The following FAT3 variants were observed in gnomAD, a reference collection of about 807,000 sequenced individuals.
FAT3 encodes the protein FAT atypical cadherin 3.
Under a neutral mutation model 310.2 loss-of-function variants are expected in FAT3, and 95 were observed. The observed-to-expected ratio is 0.31, with a 90% CI of 0.26 to 0.36. The LOEUF (loss-of-function observed/expected upper bound fraction) is 0.36, where lower values mean the gene tolerates loss of function less well. Ranked by LOEUF, FAT3 falls within the 10% of genes least tolerant of loss-of-function variation. The pLI is 1.00. For synonymous variants in FAT3, 2,314 were observed against 2,192.9 expected, an observed-to-expected ratio of 1.06 and a Z score of -1.54; for missense variants, 5,408 against 5,715.6, an observed-to-expected ratio of 0.95 and a Z score of 1.74.
chr11:92,338,662 G>A (rs1948156277), intron 1 of FAT3, among the ~76,000 whole-genome samples: 1 of 152,138 alleles, frequency 6.6e-6, no homozygotes, highest in African/African-American at 2.4e-5. Flanking sequence ...GTCTTCTGGG[G>A]TCTTGATTTT....
chr11:92,575,056 A>G (rs1938401639), intron 3 of FAT3, among the ~76,000 whole-genome samples: 1 of 152,142 alleles, frequency 6.6e-6, no homozygotes, highest in Non-Finnish European at 1.5e-5. Flanking sequence ...CTGACTTTTT[A>G]AATATGACTG....
At chr11:92,362,964 T>G (rs1948919655) in intron 2 of FAT3, among the ~76,000 whole-genome samples, 1 of 152,144 alleles carries the variant, frequency 6.6e-6, no homozygotes, top group South Asian at 2.1e-4. Flanking sequence ...CCCATCTAAC[T>G]TATGCTCTCC....
intron 2 of FAT3, among the ~76,000 whole-genome samples, chr11:92,504,565 C>A (rs761920053): frequency 5.5e-4 from 83 of 152,122 alleles, no homozygotes; most frequent in Non-Finnish European, 1.1e-3. Context: ...CTTTGAAACA[C>A]TCTTTAATTG....
chr11:92,464,402 TTAA>T (rs924303023), intron 2 of FAT3, among the ~76,000 whole-genome samples: 1 of 152,226 alleles, frequency 6.6e-6, no homozygotes, highest in Admixed American at 6.5e-5. Context: ...TCCCCTGCCT[TTAA>T]TTTTTCAAAT....
Position 92,229,510 on chromosome 11 carries a change from T to TTTC in FAT3, c.-18+4338_-18+4339insCTT, listed in dbSNP as rs1555062597. ...TTTTCGTGTTTTTTTTTTTTTTGTTTTTTGTTTTTTTTTACATTGCCTCCC... is the reference window on the plus strand; with the variant it reads ...TTTTCGTGTTTTTTTTTTTTTTGTTTTTCTTTGTTTTTTTTTACATTGCCTCCC... On this transcript the variant is annotated intron_variant, in intron 1 of 27. Transcript: ENST00000525166. Among the ~76,000 whole-genome samples, 33 of 77,184 alleles carry TTTC rather than the reference T, an allele frequency of 4.3e-4. 3 individuals are homozygous for TTTC. The highest frequency in any genetic ancestry group is 1.2e-3 in the African/African-American group (29 of 25,154). 50.6% of individuals were successfully genotyped at this position (77,184 alleles called of 152,430 possible). A position where few individuals can be genotyped will look rare whatever the true frequency, so the allele number is the denominator to read the frequency against.
chr11:92,577,769 G>A (rs951621040), intron 3 of FAT3, among the ~76,000 whole-genome samples: 1 of 152,040 alleles, frequency 6.6e-6, no homozygotes, highest in Non-Finnish European at 1.5e-5. Flanking sequence ...CAGTGTGCTG[G>A]GAGATACTTG....
chr11:92,664,440 A>G (rs1311060370), intron 3 of FAT3, among the ~76,000 whole-genome samples: 2 of 152,158 alleles, frequency 1.3e-5, no homozygotes, highest in Non-Finnish European at 2.9e-5. Flanking sequence ...GATGACTACA[A>G]TCTCACATTT....
intron 2 of FAT3, among the ~76,000 whole-genome samples, chr11:92,411,832 G>A (rs1950276475): frequency 6.6e-6 from 1 of 151,116 alleles, no homozygotes; most frequent in African/African-American, 2.4e-5. Context: ...GTGAATCATG[G>A]TGATCATATT....
At chr11:92,433,508 T>C (rs1161363361) in intron 2 of FAT3, among the ~76,000 whole-genome samples, 1 of 152,106 alleles carries the variant, frequency 6.6e-6, no homozygotes, top group East Asian at 1.9e-4. Flanking sequence ...CCCCTTCTAC[T>C]TCCTGGGTGA....
Position 92,831,854 on chromosome 11 carries a change from G to T in FAT3, c.9714G>T (p.Arg3238Ser). The T allele has an allele frequency of 6.2e-7, 1 of 1,613,710 alleles. No individual in the cohort carries two copies. Among genetic ancestry groups the T allele is most frequent in the Non-Finnish European group, 8.5e-7 (1 of 1,179,802 alleles). ...ATGACAACCCCCCTGTGTTTGAGAG[G>T]AGGGACTACCTGGTGACGGTGCCTG... Reference protein sequence around the residue: ...DINDNPPVFERRDYLVTVPED... With the variant: ...DINDNPPVFESRDYLVTVPED... The change falls in exon 14 of 28, where the codon AGG becomes AGT. Residue 3238 changes from arginine (R) to serine (S), a missense_variant. Arg to Ser is a moderately radical substitution (Grantham distance 110). Around this residue, in one of 5 missense-constraint regions of FAT3, gnomAD observed 4,588 missense variants for 4,809.8 expected, o/e 0.95. Coordinates refer to ENST00000525166, the MANE Select transcript of FAT3 (RefSeq NM_001367949.2).
rs1015104554 is a variant in FAT3, at chr11:92,286,779, C to T, written c.-18+61605C>T. On this transcript the variant is annotated intron_variant, in intron 1 of 27. Transcript: ENST00000525166. ...GCTTGTGGCATCTGTTAGAGAAAAG[C>T]GACTCCTGGTAGTTTAGACTGCATT... Among the ~76,000 whole-genome samples, 5 of 152,284 alleles carry T rather than the reference C, an allele frequency of 3.3e-5. No individual in the cohort carries two copies. The East Asian group carries it at 7.7e-4, about 24-fold the overall frequency.
chr11:92,246,284 A>C (rs1443185771), intron 1 of FAT3, among the ~76,000 whole-genome samples: 1 of 152,116 alleles, frequency 6.6e-6, no homozygotes, highest in Non-Finnish European at 1.5e-5. Context: ...ACAAATATGC[A>C]TGTAGGCAGA....
Position 92,605,362 on chromosome 11 carries a change from G to T in FAT3, c.3607+80414G>T, listed in dbSNP as rs190112102. Among the ~76,000 whole-genome samples the T allele has an allele frequency of 6.4e-4, 98 of 152,334 alleles. 1 individual carries two copies. The highest frequency in any genetic ancestry group is 2.2e-3 in the African/African-American group (92 of 41,578). ...TCCTTCTGTCACTTCCAGGTGGGCT[G>T]CAGTGTGATGGGGCCAATGGGCATT... On this transcript the variant is annotated intron_variant, in intron 3 of 27. Transcript: ENST00000525166.
intron 3 of FAT3, among the ~76,000 whole-genome samples, chr11:92,532,183 T>C (rs906844019): frequency 6.6e-6 from 1 of 152,126 alleles, no homozygotes. Context: ...ACATAAATAT[T>C]ATTAATAATA....
intron 1 of FAT3, among the ~76,000 whole-genome samples, chr11:92,340,067 T>TTGCCAC (rs890581833): frequency 2.1e-5 from 3 of 145,200 alleles, no homozygotes; most frequent in African/African-American, 7.9e-5. Flanking sequence ...AGTGGAGATG[T>TTGCCAC]TGCCACTGCA....
intron 1 of FAT3, among the ~76,000 whole-genome samples, chr11:92,316,037 T>C (rs960056355): frequency 3.3e-5 from 5 of 152,000 alleles, no homozygotes; most frequent in Non-Finnish European, 7.4e-5. Context: ...GATGAAATCA[T>C]TAAAAGATTT....
chr11:92,304,551 C>T (rs1394979185), intron 1 of FAT3, among the ~76,000 whole-genome samples: 5 of 152,046 alleles, frequency 3.3e-5, no homozygotes, highest in Admixed American at 6.6e-5. Flanking sequence ...TGACAAATTT[C>T]GGTCTAATAG....
intron 3 of FAT3, among the ~76,000 whole-genome samples, chr11:92,626,470 T>TC (rs959228201): frequency 1.4e-4 from 21 of 148,274 alleles, no homozygotes; most frequent in Non-Finnish European, 2.7e-4. Context: ...GTAGCGTATC[T>TC]CTTTTTTTTT....
intron 2 of FAT3, among the ~76,000 whole-genome samples, chr11:92,449,559 C>G (rs1309931408): frequency 6.6e-6 from 1 of 152,090 alleles, no homozygotes; most frequent in African/African-American, 2.4e-5. Context: ...TGGGGAGAGG[C>G]CAGGAGTGCA....
Sources: gnomAD v4.1 joint callset for allele counts (sites outside exome capture counted in the v4.1 genomes callset) on GRCh38, gnomAD v4.1.1 for gene constraint, gnomAD v4.1.1 regional missense constraint, MANE v1.5 for transcripts, NCBI Gene and HGNC (gene_info 2026-07-23, HGNC 2026-07-21) for gene names.